MON2: variants seen among roughly 807,000 people sequenced by gnomAD.
MON2 encodes the protein protein MON2 homolog.
In MON2, 84 loss-of-function variants were observed where a neutral mutation model predicts 208.6. The ratio of observed to expected loss-of-function variants is 0.40; its 90% CI spans 0.34 to 0.48. MON2 has a LOEUF of 0.48. Among genes scored for constraint, MON2 ranks in the 20% least tolerant of loss-of-function variants. The probability of loss-of-function intolerance (pLI) is 0.59; values close to 1 mark genes in which losing one functional copy is unlikely to be tolerated. For synonymous variants in MON2, 660 were observed against 694.0 expected (o/e 0.95, Z 0.77); for missense variants, 1,611 against 2,015.4 (o/e 0.80, Z 3.84).
intron 1 of MON2, among the ~76,000 whole-genome samples, chr12:62,467,866 A>G (rs2068592486): frequency 6.6e-6 from 1 of 152,202 alleles, no homozygotes; most frequent in African/African-American, 2.4e-5. Context: ...TGTTATGAGC[A>G]GTACTGTAGT....
At chr12:62,491,069 A>G (rs1383012888) in intron 2 of MON2, among the ~76,000 whole-genome samples, 1 of 152,066 alleles carries the variant, frequency 6.6e-6, no homozygotes, top group Non-Finnish European at 1.5e-5. Context: ...GAACTTGTTC[A>G]TGGTTCTTCA....
In MON2 at chr12:62,470,421, T is replaced by G. The variant is rs112071006; in HGVS notation, c.111+3103T>G. 6.7e-4 allele frequency among the ~76,000 whole-genome samples: 102 copies of G among 152,348 alleles called. 1 individual carries two copies. Among genetic ancestry groups the G allele is most frequent in the Middle Eastern group, 3.4e-3 (1 of 294 alleles). ...TGTTGTAGTGGCTATGGCTTTATTC[T>G]GTCATTTTATAATAACCTCTTTCTC... On this transcript the variant is annotated intron_variant, in intron 1 of 34. Transcript: ENST00000393630.
At chr12:62,530,751 TA>T (rs1272637929) in intron 11 of MON2, among the ~76,000 whole-genome samples, 1 of 152,238 alleles carries the variant, frequency 6.6e-6, no homozygotes, top group Non-Finnish European at 1.5e-5. Flanking sequence ...GGTATACAAC[TA>T]GTAAGTGGAA....
intron 8 of MON2, among the ~76,000 whole-genome samples, chr12:62,521,197 C>T (rs909579590): frequency 1.8e-4 from 27 of 151,884 alleles, no homozygotes; most frequent in African/African-American, 3.1e-4. Flanking sequence ...TTAGTAGACA[C>T]GGGGTTTCAC....
rs73325224 is a variant in MON2, at chr12:62,578,810, A to G, written c.4575+305A>G. 7.4e-4 allele frequency among the ~76,000 whole-genome samples: 113 copies of G among 152,330 alleles called. 1 individual carries two copies. The highest frequency in any genetic ancestry group is 3.4e-3 in the Middle Eastern group (1 of 294). ...ATCAGTCAGGAGGCATATATTTGAG[A>G]GCTTACTCTGCAGTTTGACATACCA... is the stretch of plus-strand genomic sequence containing the variant. On this transcript the variant is annotated intron_variant, in intron 31 of 34. Coordinates refer to ENST00000393630, the MANE Select transcript of MON2 (RefSeq NM_015026.3).
At chr12:62,520,292 A>G (rs1022722857) in intron 8 of MON2, among the ~76,000 whole-genome samples, 1 of 152,190 alleles carries the variant, frequency 6.6e-6, no homozygotes, top group Non-Finnish European at 1.5e-5. Context: ...TACATTTGTT[A>G]ATATCACCAC....
chr12:62,521,189 A>G (rs1456852205), intron 8 of MON2, among the ~76,000 whole-genome samples: 7 of 151,976 alleles, frequency 4.6e-5, no homozygotes, highest in African/African-American at 1.7e-4. Context: ...AAATATTTTT[A>G]GTAGACACGG....
rs753850291 is a variant in MON2, at chr12:62,532,518, A to T, written c.1481A>T (p.Asp494Val). 1 of 1,614,148 alleles carries T rather than the reference A, an allele frequency of 6.2e-7. No individual in the cohort carries two copies. The highest frequency in any genetic ancestry group is 8.5e-7 in the Non-Finnish European group (1 of 1,180,008). ...TCTGTGGCATTCCATTGTTTGCTAG[A>T]CCTTGTTCGTGGAATCACAAGTATG... ...AMSVAFHCLL[D>V]LVRGITSMIE... Residue 494 changes from aspartate to valine, a missense_variant, in exon 12 of 35, where the codon GAC (aspartate) becomes GTC (valine). Physicochemically the swap from Asp to Val is radical, Grantham distance 152. Coordinates refer to ENST00000393630, the MANE Select transcript of MON2 (RefSeq NM_015026.3).
At chr12:62,493,712 G>A (rs2070310208) in intron 2 of MON2, among the ~76,000 whole-genome samples, 1 of 152,150 alleles carries the variant, frequency 6.6e-6, no homozygotes, top group African/African-American at 2.4e-5. Flanking sequence ...GAAAGCAGTA[G>A]TTAAGGCGTA....
In MON2 at chr12:62,571,460, C is replaced by A. The variant is rs1269542482; in HGVS notation, c.4392C>A (p.Ser1464=). 6.2e-7 allele frequency: 1 copy of A among 1,613,404 alleles called. No individual in the cohort carries two copies. Among genetic ancestry groups the A allele is most frequent in the South Asian group, 1.1e-5 (1 of 91,036 alleles). Reference sequence around the variant, plus strand: ...AAAGCACATGGAAACTAGCAGTATCCTCTCTCCTCAGAGTTCTTTCTATTG... The same window carrying A: ...AAAGCACATGGAAACTAGCAGTATCATCTCTCCTCAGAGTTCTTTCTATTG... The part of the protein sequence containing the change: ...PSESTWKLAV[S]SLLRVLSIGL... Residue 1464 remains serine, a synonymous_variant, in exon 30 of 35, where the codon TCC becomes TCA. Coordinates refer to ENST00000393630, the MANE Select transcript of MON2 (RefSeq NM_015026.3).
At chr12:62,529,325 T>C (rs1001329036) in intron 11 of MON2, among the ~76,000 whole-genome samples, 12 of 152,222 alleles carry the variant, frequency 7.9e-5, no homozygotes, top group Admixed American at 6.5e-4. Flanking sequence ...TCTGTGTCTC[T>C]TAGGGTTTTT....
rs924722627 is a variant in MON2, at chr12:62,599,158, C to T, written c.*6409C>T. 37 of 151,980 alleles carry T rather than the reference C, an allele frequency of 2.4e-4. No individual in the cohort carries two copies. Among genetic ancestry groups the T allele is most frequent in the Non-Finnish European group, 5.3e-4 (36 of 67,986 alleles). The allele number at this position is 151,980 out of a possible 1,614,324, so 9.4% of individuals were successfully genotyped here. Reference sequence around the variant, plus strand: ...AGTAAAGGGGAAATGTTCTTGAGAGCTTTATTAAAACCATTAATATATAAA... The same window carrying T: ...AGTAAAGGGGAAATGTTCTTGAGAGTTTTATTAAAACCATTAATATATAAA... On this transcript the variant is annotated 3_prime_UTR_variant, in exon 35 of 35. Coordinates refer to ENST00000393630, the MANE Select transcript of MON2 (RefSeq NM_015026.3).
At chr12:62,519,609 G>A (rs1004334258) in intron 8 of MON2, among the ~76,000 whole-genome samples, 5 of 152,164 alleles carry the variant, frequency 3.3e-5, no homozygotes, top group Admixed American at 1.3e-4. Context: ...AAATGTAAAT[G>A]TCTTGAATGT....
At chr12:62,577,041 GATC>G (rs1437192649) in intron 30 of MON2, among the ~76,000 whole-genome samples, 1 of 151,008 alleles carries the variant, frequency 6.6e-6, no homozygotes, top group Non-Finnish European at 1.5e-5. Context: ...ATTTTTTGTT[GATC>G]ATCAACTCAT....
At chr12:62,549,524 G>A in intron 22 of MON2, 144 bp from the exon 23 acceptor site, 3 of 569,104 alleles carry the variant, frequency 5.3e-6, no homozygotes, top group Non-Finnish European at 8.5e-6. Flanking sequence ...AGCTGAGGTG[G>A]GAGGATCACA....
intron 13 of MON2, 43 bp downstream of exon 13, chr12:62,534,969 A>G (rs1253500949): frequency 8.4e-7 from 1 of 1,197,578 alleles, no homozygotes; most frequent in Non-Finnish European, 1.1e-6. Context: ...GTGTCAGTTA[A>G]AAAAAACACA....
intron 11 of MON2, among the ~76,000 whole-genome samples, chr12:62,532,181 A>G (rs2072685761): frequency 6.6e-6 from 1 of 152,246 alleles, no homozygotes; most frequent in Admixed American, 6.5e-5. Context: ...AAACATTGGC[A>G]CAACTCAGGG....
At chr12:62,582,944 G>C (rs750813580) in intron 32 of MON2, among the ~76,000 whole-genome samples, 9 of 152,150 alleles carry the variant, frequency 5.9e-5, no homozygotes, top group Non-Finnish European at 1.0e-4. Context: ...GAAGGAAACA[G>C]ATAAAATGCA....
At position 62,534,189 on chromosome 12, in the gene MON2, G is replaced by C. The variant is rs1438644718; in HGVS notation, c.1634-656G>C. Among the ~76,000 whole-genome samples, 5 of 151,354 alleles carry C rather than the reference G, an allele frequency of 3.3e-5. No homozygotes were observed. The East Asian group carries it at 7.8e-4, about 24-fold the overall frequency. On this transcript the variant is annotated intron_variant, in intron 12 of 34. Transcript: ENST00000393630. ...GAGGATTGCTTGTGCCCAGGAGTTT[G>C]AGTCCAGTCTGAGTAACATAACAAG...
Sources: gnomAD v4.1 joint callset for allele counts (sites outside exome capture counted in the v4.1 genomes callset) on GRCh38, gnomAD v4.1.1 for gene constraint, MANE v1.5 for transcripts, NCBI Gene and HGNC (gene_info 2026-07-23, HGNC 2026-07-21) for gene names.